VIL1: variants seen among roughly 807,000 people sequenced by gnomAD.
The protein encoded by VIL1 is villin-1.
In VIL1, 86 loss-of-function variants were observed where a neutral mutation model predicts 104.0. That is an observed-to-expected ratio of 0.83 (90% confidence interval 0.69 to 0.99). The LOEUF is 0.99. Ranked by LOEUF, VIL1 falls within the 50% of genes least tolerant of loss-of-function variation. The probability of loss-of-function intolerance (pLI) is 0.00; values close to 1 mark genes in which losing one functional copy is unlikely to be tolerated. For synonymous variants in VIL1, 394 were observed against 412.6 expected, an observed-to-expected ratio of 0.95 and a Z score of 0.55; for missense variants, 944 against 1,054.1, an observed-to-expected ratio of 0.90 and a Z score of 1.45.
intron 1 of VIL1, among the ~76,000 whole-genome samples, chr2:218,420,574 ATTTGTTTTTTTTTTT>A (rs1358775386): frequency 9.2e-6 from 1 of 109,050 alleles, no homozygotes. Context: ...CATCATGAGT[ATTTGTTTTTTTTTTT>A]TTTGTTTTTT....
At chr2:218,439,190 C>CA (rs1387197792) in intron 18 of VIL1, among the ~76,000 whole-genome samples, 2 of 151,980 alleles carry the variant, frequency 1.3e-5, no homozygotes, top group African/African-American at 2.4e-5. Context: ...CTCGGCCTCC[C>CA]AAAGTGCTAG....
chr2:218,434,563 C>T lies in VIL1; in HGVS notation c.1538C>T (p.Pro513Leu). The change falls in exon 14 of 20, where the codon CCC (proline) becomes CTC (leucine). Residue 513 changes from proline to leucine, a missense_variant. Coordinates refer to ENST00000248444, the MANE Select transcript of VIL1 (RefSeq NM_007127.3). ...TSRTNNLETG[P>L]STRLFQVQGT... is the part of the protein sequence containing the mutation. ...CGAACTAACAACTTGGAGACCGGGC[C>T]CTCCACACGGCTGTTCCAGGTCCAG... The T allele has an allele frequency of 6.2e-7, 1 of 1,613,814 alleles. No individual in the cohort carries two copies. The highest frequency in any genetic ancestry group is 8.5e-7 in the Non-Finnish European group (1 of 1,179,896).
In VIL1 at chr2:218,451,098, T is replaced by C. The variant is rs1016141758; in HGVS notation, c.*1762T>C. 3 of 152,150 alleles carry C rather than the reference T, an allele frequency of 2.0e-5. No individual in the cohort carries two copies. The highest frequency in any genetic ancestry group is 1.3e-4 in the Admixed American group (2 of 15,258). 9.4% of individuals were successfully genotyped at this position (152,150 alleles called of 1,614,324 possible). A position where few individuals can be genotyped will look rare whatever the true frequency, so the allele number is the denominator to read the frequency against. On this transcript the variant is annotated 3_prime_UTR_variant, in exon 20 of 20. Coordinates refer to ENST00000248444, the MANE Select transcript of VIL1 (RefSeq NM_007127.3). ...TTTTTTCAGATGTTAATAAGACATA[T>C]CAGTAGAGACAAAATTAGGATTTTG...
chr2:218,435,376 G>A lies in VIL1; in HGVS notation c.1768G>A (p.Glu590Lys). ...GAAGCAAGTGGTGGTGGAAGGGCAG[G>A]AGCCAGCCAACTTCTGGATGGCCCT... ...TEKQVVVEGQ[E>K]PANFWMALGG... Residue 590 changes from glutamate (E) to lysine (K), a missense_variant, in exon 15 of 20, where the codon GAG (glutamate) becomes AAG (lysine). Transcript: ENST00000248444. 6.2e-7 allele frequency: 1 copy of A among 1,614,150 alleles called. No homozygotes were observed. Among genetic ancestry groups the A allele is most frequent in the Non-Finnish European group, 8.5e-7 (1 of 1,180,002 alleles).
chr2:218,428,320 C>T lies in VIL1; in HGVS notation c.550C>T (p.Arg184Cys), dbSNP rs751755248. The T allele has an allele frequency of 4.3e-6, 7 of 1,614,114 alleles. No individual in the cohort carries two copies. The South Asian group carries it at 5.5e-5, about 13-fold the overall frequency. ...CCAGTGGAATGGACCGGAAAGCACC[C>T]GTATGGAGAGACTCAGGGTAAACCT... ...IIQWNGPESTRMERLRGMTLA... is the reference protein window; with the variant it reads ...IIQWNGPESTCMERLRGMTLA... Residue 184 changes from arginine to cysteine, a missense_variant, in exon 6 of 20, where the codon CGT becomes TGT. Physicochemically the swap from Arg to Cys is radical, Grantham distance 180. Transcript: ENST00000248444.
Position 218,435,413 on chromosome 2 carries a change from C to A in VIL1, c.1805C>A (p.Ala602Asp), listed in dbSNP as rs777781071. 220 of 1,613,786 alleles carry A rather than the reference C, an allele frequency of 1.4e-4. No homozygotes were observed. Among genetic ancestry groups the A allele is most frequent in the Non-Finnish European group, 1.8e-4 (218 of 1,179,914 alleles). The change falls in exon 15 of 20, where the codon GCC (alanine) becomes GAC (aspartate). Residue 602 changes from alanine (A) to aspartate (D), a missense_variant. Transcript: ENST00000248444. ...ANFWMALGGK[A>D]PYANTKRLQE... The stretch of plus-strand genomic sequence containing the variant: ...TTCTGGATGGCCCTGGGTGGGAAGG[C>A]CCCCTATGCCAACACCAAGAGGTAA...
intron 6 of VIL1, among the ~76,000 whole-genome samples, chr2:218,428,714 C>T (rs904793031): frequency 6.6e-6 from 1 of 152,140 alleles, no homozygotes; most frequent in Non-Finnish European, 1.5e-5. Flanking sequence ...TCTTTTTGCC[C>T]AGGCTGGAGT....
chr2:218,446,665 A>T (rs1456337261), intron 19 of VIL1, among the ~76,000 whole-genome samples: 1 of 152,036 alleles, frequency 6.6e-6, no homozygotes, highest in Non-Finnish European at 1.5e-5. Flanking sequence ...AAAGCTGACA[A>T]GAGGGCTTTA....
intron 3 of VIL1, 84 bp from the exon 4 acceptor site, chr2:218,425,531 A>T: frequency 7.0e-7 from 1 of 1,436,672 alleles, no homozygotes; most frequent in Non-Finnish European, 9.7e-7. Context: ...ATAGTCCTGG[A>T]CGGCACGTGT....
Position 218,437,295 on chromosome 2 carries a change from G to A in VIL1, c.2143G>A (p.Asp715Asn), listed in dbSNP as rs1689212443. The part of the protein sequence containing the change: ...PTFTGWFLAW[D>N]PFKWSNTKSY... ...CTTCACAGGCTGGTTCCTGGCTTGG[G>A]ATCCCTTCAAGTGGAGTGTGAGTGG... Residue 715 changes from aspartate to asparagine, a missense_variant, in exon 17 of 20, where the codon GAT (aspartate) becomes AAT (asparagine). By Grantham distance (23) the Asp-to-Asn change is conservative. Transcript: ENST00000248444. The A allele has an allele frequency of 8.7e-6, 14 of 1,613,990 alleles. No homozygotes were observed. The highest frequency in any genetic ancestry group is 1.2e-5 in the Non-Finnish European group (14 of 1,180,000).
chr2:218,444,064 C>T (rs1444133412), intron 19 of VIL1, among the ~76,000 whole-genome samples: 1 of 152,186 alleles, frequency 6.6e-6, no homozygotes, highest in African/African-American at 2.4e-5. Context: ...CTCCCTGGTT[C>T]AAGCAATTCT....
intron 19 of VIL1, among the ~76,000 whole-genome samples, chr2:218,441,451 A>G (rs1454473899): frequency 6.6e-6 from 1 of 152,176 alleles, no homozygotes; most frequent in Non-Finnish European, 1.5e-5. Flanking sequence ...TTTCTGAAAG[A>G]CAAATAGGAA....
At chr2:218,436,454 C>T in intron 15 of VIL1, 28 bp from the exon 16 acceptor site, 1 of 1,605,048 alleles carries the variant, frequency 6.2e-7, no homozygotes, top group Non-Finnish European at 8.5e-7. Flanking sequence ...CTTCCTTCTG[C>T]CAGTACAATC....
chr2:218,452,208 G>A lies in VIL1; in HGVS notation c.*2872G>A, dbSNP rs1224710276. On this transcript the variant is annotated 3_prime_UTR_variant, in exon 20 of 20. Coordinates refer to ENST00000248444, the MANE Select transcript of VIL1 (RefSeq NM_007127.3). ...CCAATTCAATGTCATTTAAAGTAAT[G>A]TAACCACACATTTGGTATTTTCAAT... 2 of 152,030 alleles carry A rather than the reference G, an allele frequency of 1.3e-5. No homozygotes were observed. Among genetic ancestry groups the A allele is most frequent in the African/African-American group, 4.8e-5 (2 of 41,386 alleles). The allele number at this position is 152,030 out of a possible 1,614,324, so 9.4% of individuals were successfully genotyped here. A position where few individuals can be genotyped will look rare whatever the true frequency, so the allele number is the denominator to read the frequency against.
At chr2:218,426,168 C>A (rs569347155) in intron 4 of VIL1, among the ~76,000 whole-genome samples, 2 of 152,292 alleles carry the variant, frequency 1.3e-5, no homozygotes, top group South Asian at 4.1e-4. Flanking sequence ...ATCAAGCCCC[C>A]CAACTCTGGC....
At chr2:218,447,865 TTACAGGCGTG>T (rs1189580036) in intron 19 of VIL1, among the ~76,000 whole-genome samples, 1 of 152,072 alleles carries the variant, frequency 6.6e-6, no homozygotes, top group East Asian at 1.9e-4. Context: ...GTAGCTGGGA[TTACAGGCGTG>T]TGCCACCATA....
chr2:218,438,694 G>A lies in VIL1; in HGVS notation c.2197G>A (p.Gly733Ser). 6.2e-7 allele frequency: 1 copy of A among 1,612,650 alleles called. No individual in the cohort carries two copies. The highest frequency in any genetic ancestry group is 8.5e-7 in the Non-Finnish European group (1 of 1,179,730). Reference sequence around the variant, plus strand: ...CTATGAGGACCTGAAGGCGGAGCTTGGCAACTCTAGGGACTGGAGCCAGAT... The same window carrying A: ...CTATGAGGACCTGAAGGCGGAGCTTAGCAACTCTAGGGACTGGAGCCAGAT... ...KSYEDLKAEL[G>S]NSRDWSQITA... The change falls in exon 18 of 20, where the codon GGC (glycine) becomes AGC (serine). Residue 733 changes from glycine to serine, a missense_variant. By Grantham distance (56) the Gly-to-Ser change is moderately conservative. Transcript: ENST00000248444.
rs749526201 is a variant in VIL1 at position 218,435,453 on chromosome 2, C to T, written c.1826+19C>T. The T allele has an allele frequency of 1.1e-5, 18 of 1,610,144 alleles. No individual in the cohort carries two copies. Among genetic ancestry groups the T allele is most frequent in the East Asian group, 2.2e-5 (1 of 44,808 alleles). ...CCAAGAGGTAACTCTCAGGTCCCTC[C>T]GCCTCCAGGTTACCAAGGTGGGGGA... On this transcript the variant is annotated intron_variant, in intron 15 of 19. Coordinates refer to ENST00000248444, the MANE Select transcript of VIL1 (RefSeq NM_007127.3).
rs1689058391 is a variant in VIL1 at position 218,429,504 on chromosome 2, G to A, written c.770+17G>A. On this transcript the variant is annotated intron_variant, in intron 7 of 19. Coordinates refer to ENST00000248444, the MANE Select transcript of VIL1 (RefSeq NM_007127.3). ...ACTGTACCAGTGAGCGCCCAGCGGG[G>A]TCTTCCTGGGTGCTGGGGACTCCCT... The A allele has an allele frequency of 6.2e-7, 1 of 1,613,382 alleles. No homozygotes were observed. The highest frequency in any genetic ancestry group is 8.5e-7 in the Non-Finnish European group (1 of 1,179,634).
Sources: allele counts gnomAD v4.1 joint callset (sites outside exome capture counted in the v4.1 genomes callset), GRCh38; gene constraint gnomAD v4.1.1; transcripts MANE v1.5; gene names NCBI Gene and HGNC (gene_info 2026-07-23, HGNC 2026-07-21).